The following PCDHA3 variants were observed in gnomAD, a reference collection of about 807,000 sequenced individuals.
PCDHA3 encodes the protein protocadherin alpha 3.
Under a neutral mutation model 62.2 loss-of-function variants are expected in PCDHA3, and 41 were observed. That is an observed-to-expected ratio of 0.66 (90% CI 0.51 to 0.86). The LOEUF (loss-of-function observed/expected upper bound fraction) is 0.86, where lower values mean the gene tolerates loss of function less well. Among genes scored for constraint, PCDHA3 ranks in the 40% least tolerant of loss-of-function variants. The pLI is 0.00. For synonymous variants in PCDHA3, 640 were observed against 555.4 expected (o/e 1.15, Z -2.14); for missense variants, 1,304 against 1,241.2 (o/e 1.05, Z -0.76).
Position 140,802,102 on chromosome 5 carries a change from T to C in PCDHA3, c.905T>C (p.Ile302Thr). The C allele has an allele frequency of 6.2e-7, 1 of 1,614,156 alleles. No individual in the cohort carries two copies. The highest frequency in any genetic ancestry group is 8.5e-7 in the Non-Finnish European group (1 of 1,180,028). ...KFHLDPVNGQ[I>T]SVKGNIDFEE... is the part of the protein sequence containing the mutation. ...CATTTAGATCCAGTCAATGGACAAA[T>C]CAGTGTAAAGGGTAACATAGATTTC... is the stretch of plus-strand genomic sequence containing the variant. Residue 302 changes from isoleucine to threonine, a missense_variant, in exon 1 of 4, where the codon ATC becomes ACC. Transcript: ENST00000522353.
intron 3 of PCDHA3, among the ~76,000 whole-genome samples, chr5:141,000,395 CTATATA>C (rs1190667031): frequency 5.7e-4 from 31 of 53,962 alleles, no homozygotes; most frequent in Admixed American, 2.5e-3. Flanking sequence ...CTCTCTCTCT[CTATATA>C]TATATATATA....
At chr5:140,876,762 G>T in intron 1 of PCDHA3, 1 of 1,614,252 alleles carries the variant, frequency 6.2e-7, no homozygotes, top group South Asian at 1.1e-5. Flanking sequence ...CGCGGGATGG[G>T]GGCTCGCCTT....
intron 1 of PCDHA3, chr5:140,809,023 G>T: frequency 6.2e-7 from 1 of 1,613,728 alleles, no homozygotes; most frequent in Non-Finnish European, 8.5e-7. Flanking sequence ...ACGAGCTGCA[G>T]CCGGGGACTG....
chr5:140,829,006 G>A (rs1461525244), intron 1 of PCDHA3: 2 of 1,613,752 alleles, frequency 1.2e-6, no homozygotes, highest in African/African-American at 1.3e-5. Context: ...TAGTGATTCG[G>A]GGTAATTTGG....
At chr5:140,913,970 T>C (rs2076541614) in intron 1 of PCDHA3, among the ~76,000 whole-genome samples, 1 of 152,144 alleles carries the variant, frequency 6.6e-6, no homozygotes. Context: ...TAAAAAAATA[T>C]TTTAGGACTT....
At chr5:140,941,508 G>A (rs1296025812) in intron 1 of PCDHA3, among the ~76,000 whole-genome samples, 1 of 151,286 alleles carries the variant, frequency 6.6e-6, no homozygotes, top group African/African-American at 2.4e-5. Flanking sequence ...GTAGAGACGA[G>A]GTTTCACCAT....
At chr5:140,951,407 A>C (rs115221257) in intron 1 of PCDHA3, among the ~76,000 whole-genome samples, 1 of 152,068 alleles carries the variant, frequency 6.6e-6, no homozygotes, top group Admixed American at 6.6e-5. Flanking sequence ...AAAGAGGTTT[A>C]ATTGGCTCAC....
chr5:140,870,780 C>T (rs782242319), intron 1 of PCDHA3: 3 of 1,613,508 alleles, frequency 1.9e-6, no homozygotes, highest in Non-Finnish European at 2.5e-6. Context: ...ACGAGAACGA[C>T]AACGCGCCGG....
chr5:140,909,254 G>T (rs915513119), intron 1 of PCDHA3, among the ~76,000 whole-genome samples: 1 of 152,216 alleles, frequency 6.6e-6, no homozygotes, highest in Non-Finnish European at 1.5e-5. Context: ...TGCTGGCCTT[G>T]CTGACTGAAG....
At chr5:140,884,016 G>T (rs143828814) in intron 1 of PCDHA3, 1 of 1,613,208 alleles carries the variant, frequency 6.2e-7, no homozygotes, top group Non-Finnish European at 8.5e-7. Flanking sequence ...CTGATGCCGC[G>T]GTCGGTGGGT....
At chr5:140,882,129 T>C (rs2153382855) in intron 1 of PCDHA3, 5 of 1,473,110 alleles carry the variant, frequency 3.4e-6, no homozygotes, top group Non-Finnish European at 2.7e-6. Context: ...TCTTTCTTCC[T>C]GCAGAAAATA....
intron 1 of PCDHA3, chr5:140,805,647 G>GT (rs1763613640): frequency 1.2e-6 from 1 of 847,464 alleles, no homozygotes; most frequent in South Asian, 5.4e-5. Context: ...TTATTGGGAA[G>GT]TCTTCATTCC....
At chr5:140,993,031 C>T (rs186292405) in intron 3 of PCDHA3, among the ~76,000 whole-genome samples, 19 of 152,274 alleles carry the variant, frequency 1.2e-4, no homozygotes, top group Non-Finnish European at 1.8e-4. Context: ...CTGTGGGCTC[C>T]GTGTGTCATC....
At chr5:140,834,349 T>C (rs1772916837) in intron 1 of PCDHA3, 1 of 1,534,320 alleles carries the variant, frequency 6.5e-7, no homozygotes, top group Non-Finnish European at 8.8e-7. Context: ...CGAAGGCAAG[T>C]TTTGCTGACT....
chr5:140,889,265 A>G (rs900785254), intron 1 of PCDHA3, among the ~76,000 whole-genome samples: 7 of 151,968 alleles, frequency 4.6e-5, no homozygotes, highest in African/African-American at 2.4e-5. Context: ...AAAAGTTTGT[A>G]TAATCTTTGA....
At chr5:140,933,392 T>C (rs1298872630) in intron 1 of PCDHA3, among the ~76,000 whole-genome samples, 3 of 152,044 alleles carry the variant, frequency 2.0e-5, no homozygotes, top group Non-Finnish European at 2.9e-5. Context: ...CCTAGAGCCA[T>C]CTGGTTACCA....
chr5:140,902,963 G>T (rs2069893804), intron 1 of PCDHA3, among the ~76,000 whole-genome samples: 1 of 152,180 alleles, frequency 6.6e-6, no homozygotes, highest in Non-Finnish European at 1.5e-5. Context: ...CTTGTTGGCT[G>T]ATGGGCATTT....
At chr5:140,840,564 T>C (rs1432242411) in intron 1 of PCDHA3, among the ~76,000 whole-genome samples, 1 of 152,054 alleles carries the variant, frequency 6.6e-6, no homozygotes, top group Non-Finnish European at 1.5e-5. Flanking sequence ...CTGCTAGAGT[T>C]TGGCATGTCA....
intron 1 of PCDHA3, among the ~76,000 whole-genome samples, chr5:140,874,298 G>T (rs887601408): frequency 1.3e-5 from 2 of 152,114 alleles, no homozygotes; most frequent in African/African-American, 2.4e-5. Context: ...ATGTGTACTT[G>T]TTCACAATGA....
Sources: allele counts gnomAD v4.1 joint callset (sites outside exome capture counted in the v4.1 genomes callset), GRCh38; gene constraint gnomAD v4.1.1; transcripts MANE v1.5; gene names NCBI Gene and HGNC (gene_info 2026-07-23, HGNC 2026-07-21).